The following GDPD1 variants were observed in gnomAD, a reference collection of about 807,000 sequenced individuals.
GDPD1 encodes glycerophosphodiester phosphodiesterase domain containing 1.
In GDPD1, 28 loss-of-function variants were observed where a neutral mutation model predicts 45.1. The observed-to-expected ratio is 0.62, with a 90% confidence interval of 0.46 to 0.85. The LOEUF is 0.85. GDPD1 is among the 40% of genes least tolerant of loss of function. The pLI, the probability that GDPD1 is intolerant of heterozygous loss-of-function variation, is 0.00. For synonymous variants in GDPD1, 139 were observed against 131.4 expected (o/e 1.06, Z -0.40); for missense variants, 256 against 364.8 (o/e 0.70, Z 2.43).
At position 59,255,971 on chromosome 17, in the gene GDPD1, C is replaced by T. The variant is rs557832495; in HGVS notation, c.368-1151C>T. Among the ~76,000 whole-genome samples, 6 of 147,878 alleles carry T rather than the reference C, an allele frequency of 4.1e-5. No individual in the cohort carries two copies. In the South Asian group the frequency reaches 1.3e-3, roughly 31 times the overall value. ...AGTGTGGGAGGCCGCAGTGAGCCAT[C>T]ATCATGCTACTGCACTCCAGCCTTG... On this transcript the variant is annotated intron_variant, in intron 4 of 9. Coordinates refer to ENST00000284116, the MANE Select transcript of GDPD1 (RefSeq NM_182569.4).
chr17:59,251,530 A>AT, intron 4 of GDPD1, among the ~76,000 whole-genome samples: 1 of 151,976 alleles, frequency 6.6e-6, no homozygotes, highest in Non-Finnish European at 1.5e-5. Context: ...AAAAAAAAAA[A>AT]GAACAATGCT....
Position 59,274,843 on chromosome 17 carries a change from A to ATT in GDPD1, c.*1085_*1086dup, listed in dbSNP as rs781384753. ...CTGGAATACAATCAATTAGTAAAAG[A>ATT]TTTTTTTTTTTTTTTTGACATGTAG... is the stretch of plus-strand genomic sequence containing the variant. On this transcript the variant is annotated 3_prime_UTR_variant, in exon 10 of 10. Coordinates refer to ENST00000284116, the MANE Select transcript of GDPD1 (RefSeq NM_182569.4). Among the ~76,000 whole-genome samples the ATT allele has an allele frequency of 8.0e-5, 11 of 137,362 alleles. No homozygotes were observed. Among genetic ancestry groups the ATT allele is most frequent in the African/African-American group, 2.2e-4 (8 of 36,706 alleles). The allele number at this position is 137,362 out of a possible 152,430, so 90.1% of individuals were successfully genotyped here.
At chr17:59,267,673 GT>G (rs777259266) in intron 7 of GDPD1, among the ~76,000 whole-genome samples, 90 of 140,914 alleles carry the variant, frequency 6.4e-4, no homozygotes, top group African/African-American at 9.0e-4. Context: ...GTGGTTTTTT[GT>G]TTTTTTTTTT....
intron 8 of GDPD1, among the ~76,000 whole-genome samples, chr17:59,271,605 CTTATTTTATTTTATT>C (rs150984479): frequency 1.1e-3 from 163 of 148,480 alleles, no homozygotes; most frequent in African/African-American, 3.2e-3. Context: ...GCCTTTTCTT[CTTATTTTATTTTATT>C]TTATTTTATT....
rs1230997115 is a variant in GDPD1 at position 59,274,570 on chromosome 17, G to C, written c.*797G>C. ...CGAGGCGGGCGGATCACGAGGTCAG[G>C]AGATCGAGACCATCCTGGCTAACAT... On this transcript the variant is annotated 3_prime_UTR_variant, in exon 10 of 10. Coordinates refer to ENST00000284116, the MANE Select transcript of GDPD1 (RefSeq NM_182569.4). 4 of 143,388 alleles carry C rather than the reference G, an allele frequency of 2.8e-5. No homozygotes were observed. The highest frequency in any genetic ancestry group is 1.1e-4 in the African/African-American group (4 of 37,890). 8.9% of individuals were successfully genotyped at this position (143,388 alleles called of 1,614,324 possible). A position where few individuals can be genotyped will look rare whatever the true frequency, so the allele number is the denominator to read the frequency against.
intron 6 of GDPD1, among the ~76,000 whole-genome samples, chr17:59,258,061 G>A (rs1008381349): frequency 4.6e-5 from 7 of 151,818 alleles, no homozygotes; most frequent in Admixed American, 4.6e-4. Flanking sequence ...CAAGTAGCTG[G>A]GACTACAGGC....
chr17:59,224,179 A>G (rs929979606), intron 1 of GDPD1, among the ~76,000 whole-genome samples: 1 of 152,218 alleles, frequency 6.6e-6, no homozygotes, highest in Non-Finnish European at 1.5e-5. Flanking sequence ...TGATTTATGC[A>G]TGCTATTATA....
chr17:59,225,528 C>CT (rs2047040872), intron 1 of GDPD1, among the ~76,000 whole-genome samples: 1 of 151,958 alleles, frequency 6.6e-6, no homozygotes, highest in Non-Finnish European at 1.5e-5. Flanking sequence ...ACTTTTTCTC[C>CT]TTATAATTAA....
chr17:59,245,621 A>T (rs189116715), intron 3 of GDPD1, 72 bp downstream of exon 3: 67 of 1,136,230 alleles, frequency 5.9e-5, no homozygotes, highest in Admixed American at 1.7e-4. Flanking sequence ...TAAAATAGCG[A>T]ATATCAGCAA....
rs747664375 is a variant in GDPD1, at chr17:59,257,226, G to C, written c.472G>C (p.Val158Leu). 20 of 1,577,682 alleles carry C rather than the reference G, an allele frequency of 1.3e-5. No individual in the cohort carries two copies. Among genetic ancestry groups the C allele is most frequent in the Non-Finnish European group, 1.7e-5 (20 of 1,157,596 alleles). ...CATCGATATCAAAGTCAACAACAAT[G>C]TGCTGATTAAGAAGGTACTCAAGGC... Reference protein sequence around the residue: ...INIDIKVNNNVLIKKVSELVK... With the variant: ...INIDIKVNNNLLIKKVSELVK... Residue 158 changes from valine (V) to leucine (L), a missense_variant, in exon 5 of 10, where the codon GTG (valine) becomes CTG (leucine). Transcript: ENST00000284116.
intron 2 of GDPD1, among the ~76,000 whole-genome samples, chr17:59,241,533 G>A (rs1457382405): frequency 6.6e-6 from 1 of 152,014 alleles, no homozygotes; most frequent in Admixed American, 6.5e-5. Flanking sequence ...TAGCCAGGGT[G>A]GTCTTGAACT....
At chr17:59,255,850 TAC>T (rs1555724257) in intron 4 of GDPD1, among the ~76,000 whole-genome samples, 7 of 74,338 alleles carry the variant, frequency 9.4e-5, no homozygotes, top group Non-Finnish European at 1.6e-4. Context: ...TATATATATA[TAC>T]ACACGTATAT....
intron 5 of GDPD1, 35 bp from the exon 6 acceptor site, chr17:59,257,716 G>C (rs986628312): frequency 2.3e-6 from 3 of 1,324,674 alleles, no homozygotes; most frequent in Admixed American, 3.7e-5. Context: ...TTTGCAAATA[G>C]GCACATGCAT....
At position 59,269,475 on chromosome 17, in the gene GDPD1, A is replaced by ACC. The variant is rs201819855; in HGVS notation, c.711-1451_711-1450dup. 2.9e-3 allele frequency among the ~76,000 whole-genome samples: 354 copies of ACC among 120,006 alleles called. 3 individuals are homozygous for ACC. The highest frequency in any genetic ancestry group is 0.013 in the South Asian group (40 of 3,084). 78.7% of individuals were successfully genotyped at this position (120,006 alleles called of 152,430 possible). A position where few individuals can be genotyped will look rare whatever the true frequency, so the allele number is the denominator to read the frequency against. On this transcript the variant is annotated intron_variant, in intron 7 of 9. Coordinates refer to ENST00000284116, the MANE Select transcript of GDPD1 (RefSeq NM_182569.4). ...AAACAATAGAAAACGCTTCTTGTCTACCCCCCCCCCCAAAAAACACCCTAT... is the reference window on the plus strand; with the variant it reads ...AAACAATAGAAAACGCTTCTTGTCTACCCCCCCCCCCCCAAAAAACACCCTAT...
intron 6 of GDPD1, 139 bp downstream of exon 6, chr17:59,257,979 T>A (rs2047322584): frequency 1.1e-5 from 5 of 454,338 alleles, no homozygotes; most frequent in Non-Finnish European, 1.9e-5. Flanking sequence ...CAGGCTGGAG[T>A]GCAGTGGTGC....
At position 59,275,397 on chromosome 17, in the gene GDPD1, CT is replaced by C; in HGVS notation, c.*1629del. 7 of 462,818 alleles carry C rather than the reference CT, an allele frequency of 1.5e-5. No individual in the cohort carries two copies. The highest frequency in any genetic ancestry group is 3.5e-5 in the East Asian group (1 of 28,352). 28.7% of individuals were successfully genotyped at this position (462,818 alleles called of 1,614,324 possible). The stretch of plus-strand genomic sequence containing the variant: ...GTTAATGGAACATTCTATTTGAGAC[CT>C]TTTTCAGGTGTGTAGCAATTCTACC... On this transcript the variant is annotated 3_prime_UTR_variant, in exon 10 of 10. Transcript: ENST00000284116.
chr17:59,244,193 C>CT (rs5821256), intron 2 of GDPD1, among the ~76,000 whole-genome samples: 67,096 of 151,940 alleles, frequency 0.44, 16,589 homozygotes, highest in African/African-American at 0.68. Context: ...TGTTGGGATA[C>CT]TCCGGGGTCT....
At chr17:59,234,673 T>G (rs952285562) in intron 2 of GDPD1, 139 bp downstream of exon 2, 1 of 645,832 alleles carries the variant, frequency 1.5e-6, no homozygotes, top group Non-Finnish European at 2.7e-6. Context: ...TTGTTAAAAT[T>G]TCTTTTTTTA....
In GDPD1 at chr17:59,222,507, T is replaced by G. The variant is rs1164497522; in HGVS notation, c.142+1756T>G. ...AGGCGTGAGCCACAGTGCCCAGCCT[T>G]TTTTTTTTTTTTTTTTTTTTTTTTG... is the stretch of plus-strand genomic sequence containing the variant. On this transcript the variant is annotated intron_variant, in intron 1 of 9. Coordinates refer to ENST00000284116, the MANE Select transcript of GDPD1 (RefSeq NM_182569.4). Among the ~76,000 whole-genome samples the G allele has an allele frequency of 2.7e-4, 12 of 43,916 alleles. 1 individual carries two copies. The East Asian group carries it at 8.0e-3, about 29-fold the overall frequency. The allele number at this position is 43,916 out of a possible 152,430, so 28.8% of individuals were successfully genotyped here. A position where few individuals can be genotyped will look rare whatever the true frequency, so the allele number is the denominator to read the frequency against.
Sources: gnomAD v4.1 joint callset for allele counts (sites outside exome capture counted in the v4.1 genomes callset) on GRCh38, gnomAD v4.1.1 for gene constraint, MANE v1.5 for transcripts, NCBI Gene and HGNC (gene_info 2026-07-23, HGNC 2026-07-21) for gene names.